The following MYRIP variants were observed in gnomAD, a reference collection of about 807,000 sequenced individuals.
The protein encoded by MYRIP is myosin VIIA and Rab interacting protein.
Under a neutral mutation model 98.0 loss-of-function variants are expected in MYRIP, and 49 were observed. The ratio of observed to expected loss-of-function variants is 0.50; its 90% CI spans 0.40 to 0.63. The LOEUF is 0.63. Ranked by LOEUF, MYRIP falls within the 30% of genes least tolerant of loss-of-function variation. MYRIP has a pLI of 0.00. For synonymous variants in MYRIP, 404 were observed against 409.5 expected, an observed-to-expected ratio of 0.99 and a Z score of 0.16; for missense variants, 1,004 against 1,058.2, an observed-to-expected ratio of 0.95 and a Z score of 0.71.
intron 2 of MYRIP, among the ~76,000 whole-genome samples, chr3:39,906,281 G>T (rs1022848814): frequency 6.6e-6 from 1 of 152,006 alleles, no homozygotes; most frequent in African/African-American, 2.4e-5. Context: ...AGCCTCTACG[G>T]GTGAGGCACC....
chr3:39,864,528 C>T (rs1355951680), intron 1 of MYRIP, among the ~76,000 whole-genome samples: 2 of 152,226 alleles, frequency 1.3e-5, no homozygotes, highest in East Asian at 1.9e-4. Context: ...AGAGACAAAT[C>T]AGTAATCCAG....
chr3:39,979,155 T>C (rs1054803506), intron 2 of MYRIP, among the ~76,000 whole-genome samples: 16 of 152,176 alleles, frequency 1.1e-4, no homozygotes, highest in African/African-American at 3.4e-4. Flanking sequence ...TTTTTTGTTT[T>C]GTTTGTCTGT....
intron 2 of MYRIP, among the ~76,000 whole-genome samples, chr3:39,930,656 A>C (rs987398237): frequency 1.3e-5 from 2 of 152,078 alleles, no homozygotes; most frequent in Admixed American, 6.6e-5. Context: ...TTATAAATTT[A>C]TCTCTTAAAT....
intron 1 of MYRIP, among the ~76,000 whole-genome samples, chr3:39,836,006 G>C (rs1941608270): frequency 6.6e-6 from 1 of 152,122 alleles, no homozygotes. Flanking sequence ...ATGGGCATTT[G>C]GGTTGGTTCC....
chr3:39,873,366 G>C (rs181063753), intron 1 of MYRIP, among the ~76,000 whole-genome samples: 2 of 151,924 alleles, frequency 1.3e-5, no homozygotes, highest in African/African-American at 4.8e-5. Flanking sequence ...GTCAATTTTG[G>C]CTTTTGTTGC....
At chr3:40,162,872 A>G in intron 5 of MYRIP, 62 bp downstream of exon 5, 1 of 1,467,792 alleles carries the variant, frequency 6.8e-7, no homozygotes, top group East Asian at 2.3e-5. Flanking sequence ...ACCTACAGGT[A>G]CAGGTACTGC....
At chr3:40,223,262 CAA>C (rs1952388367) in intron 11 of MYRIP, among the ~76,000 whole-genome samples, 1 of 115,486 alleles carries the variant, frequency 8.7e-6, no homozygotes, top group Non-Finnish European at 1.9e-5. Context: ...ATAGAATAGT[CAA>C]AAATAGTTTA....
intron 3 of MYRIP, among the ~76,000 whole-genome samples, chr3:40,080,707 G>A (rs1334966594): frequency 1.3e-5 from 2 of 150,466 alleles, no homozygotes; most frequent in Non-Finnish European, 3.0e-5. Context: ...TTTTAAGATG[G>A]GAGTTATCTT....
At chr3:39,886,900 C>T (rs1038877939) in intron 1 of MYRIP, among the ~76,000 whole-genome samples, 4 of 152,060 alleles carry the variant, frequency 2.6e-5, no homozygotes, top group Non-Finnish European at 5.9e-5. Flanking sequence ...TTTTCAGCAC[C>T]ACACCACACC....
rs1252104646 is a variant in MYRIP, at chr3:40,166,895, G to C, written c.600G>C (p.Glu200Asp). 1 of 1,614,110 alleles carries C rather than the reference G, an allele frequency of 6.2e-7. No homozygotes were observed. The highest frequency in any genetic ancestry group is 1.7e-5 in the Admixed American group (1 of 60,018). ...TLAVALRVAEEAIEEAISKAE... is the reference protein window; with the variant it reads ...TLAVALRVAEDAIEEAISKAE... ...CTGTGGCCCTACGGGTGGCTGAAGAGGCCATTGAGGAAGCAATTTCCAAAG... is the reference window on the plus strand; with the variant it reads ...CTGTGGCCCTACGGGTGGCTGAAGACGCCATTGAGGAAGCAATTTCCAAAG... Residue 200 changes from glutamate to aspartate, a missense_variant, in exon 6 of 17, where the codon GAG (glutamate) becomes GAC (aspartate). Physicochemically the swap from Glu to Asp is conservative, Grantham distance 45. Coordinates refer to ENST00000302541, the MANE Select transcript of MYRIP (RefSeq NM_015460.4).
intron 3 of MYRIP, among the ~76,000 whole-genome samples, chr3:40,111,897 G>T (rs1949166068): frequency 6.6e-6 from 1 of 152,210 alleles, no homozygotes; most frequent in Non-Finnish European, 1.5e-5. Flanking sequence ...CTGGGAACTA[G>T]TGGATTTCCT....
intron 2 of MYRIP, among the ~76,000 whole-genome samples, chr3:40,029,213 A>G (rs1034774024): frequency 1.3e-5 from 2 of 152,164 alleles, no homozygotes; most frequent in Non-Finnish European, 2.9e-5. Flanking sequence ...CCTTTAATCT[A>G]AGGGACTGAA....
chr3:39,949,255 G>T (rs1322988802), intron 2 of MYRIP, among the ~76,000 whole-genome samples: 1 of 152,110 alleles, frequency 6.6e-6, no homozygotes, highest in Non-Finnish European at 1.5e-5. Flanking sequence ...TTTCTAGCTT[G>T]TCTAAAAGCA....
At position 40,104,986 on chromosome 3, in the gene MYRIP, T is replaced by A. The variant is rs143782390; in HGVS notation, c.333-46062T>A. On this transcript the variant is annotated intron_variant, in intron 3 of 16. Coordinates refer to ENST00000302541, the MANE Select transcript of MYRIP (RefSeq NM_015460.4). Reference sequence around the variant, plus strand: ...CCTATCCCACCCCCTAAAACCATTTTTAACTGTTTCACTGATTTTCATGAC... The same window carrying A: ...CCTATCCCACCCCCTAAAACCATTTATAACTGTTTCACTGATTTTCATGAC... Among the ~76,000 whole-genome samples, 8 of 152,338 alleles carry A rather than the reference T, an allele frequency of 5.3e-5. 1 individual carries two copies. In the East Asian group the frequency reaches 1.5e-3, roughly 29 times the overall value.
chr3:39,957,268 A>T (rs1202344742), intron 2 of MYRIP, among the ~76,000 whole-genome samples: 6 of 151,836 alleles, frequency 4.0e-5, no homozygotes, highest in Non-Finnish European at 8.8e-5. Context: ...ACATTGATGC[A>T]AAAATCCCCA....
At chr3:39,843,299 T>C (rs904284001) in intron 1 of MYRIP, among the ~76,000 whole-genome samples, 1 of 152,238 alleles carries the variant, frequency 6.6e-6, no homozygotes, top group African/African-American at 2.4e-5. Flanking sequence ...TGAAACTATT[T>C]TCCTTTTGAA....
At chr3:39,850,075 T>C (rs1424860345) in intron 1 of MYRIP, among the ~76,000 whole-genome samples, 2 of 152,162 alleles carry the variant, frequency 1.3e-5, no homozygotes, top group African/African-American at 4.8e-5. Flanking sequence ...TCAGAGAGTA[T>C]GAGTGTGTGT....
At chr3:39,998,873 G>A (rs150135117) in intron 2 of MYRIP, among the ~76,000 whole-genome samples, 2,577 of 152,130 alleles carry the variant, frequency 0.017, 60 homozygotes, top group African/African-American at 0.057. Flanking sequence ...AAATAACGCC[G>A]CATATCTACA....
chr3:40,176,046 A>G (rs1434456641), intron 8 of MYRIP, among the ~76,000 whole-genome samples: 1 of 152,216 alleles, frequency 6.6e-6, no homozygotes, highest in East Asian at 1.9e-4. Context: ...CCACAACATA[A>G]GGACATATTA....
Sources: allele counts gnomAD v4.1 joint callset (sites outside exome capture counted in the v4.1 genomes callset), GRCh38; gene constraint gnomAD v4.1.1; transcripts MANE v1.5; gene names NCBI Gene and HGNC (gene_info 2026-07-23, HGNC 2026-07-21).